The following PCDH11X variants were observed in gnomAD, a reference collection of about 807,000 sequenced individuals.
The protein encoded by PCDH11X is protocadherin 11 X-linked.
PCDH11X carries 18 observed loss-of-function variants against 53.3 expected under a neutral mutation model. The ratio of observed to expected loss-of-function variants is 0.34; its 90% confidence interval spans 0.23 to 0.50. The LOEUF is 0.50. PCDH11X is among the 20% of genes least tolerant of loss of function. The pLI, the probability that PCDH11X is intolerant of heterozygous loss-of-function variation, is 0.98. For synonymous variants in PCDH11X, 279 were observed against 393.3 expected, an observed-to-expected ratio of 0.71 and a Z score of 3.44; for missense variants, 570 against 1,032.4, an observed-to-expected ratio of 0.55 and a Z score of 6.14.
chrX:91,886,663 A>G (rs1321728249), intron 6 of PCDH11X, among the ~76,000 whole-genome samples: 1 of 108,016 alleles, frequency 9.3e-6, no homozygotes, highest in Non-Finnish European at 1.9e-5. Flanking sequence ...CCCTGTCCAC[A>G]TTATGAATAA....
intron 8 of PCDH11X, among the ~76,000 whole-genome samples, chrX:92,343,776 A>G (rs1381007528): frequency 1.8e-5 from 2 of 111,418 alleles, no homozygotes; most frequent in African/African-American, 6.5e-5. Context: ...CCACCTCAAT[A>G]GCATTCAATG....
intron 10 of PCDH11X, among the ~76,000 whole-genome samples, chrX:92,567,846 G>C (rs1265904382): frequency 1.9e-5 from 2 of 102,967 alleles, no homozygotes; most frequent in Admixed American, 1.1e-4. Flanking sequence ...GCCTGCTGGA[G>C]GAGGAGGGTG....
At chrX:92,249,349 C>T (rs2067414447) in intron 7 of PCDH11X, among the ~76,000 whole-genome samples, 1 of 111,752 alleles carries the variant, frequency 8.9e-6, no homozygotes, top group Non-Finnish European at 1.9e-5. Flanking sequence ...TCACATGCCA[C>T]AAGAGTGACA....
intron 6 of PCDH11X, among the ~76,000 whole-genome samples, chrX:91,944,853 A>G (rs1418230064): frequency 9.4e-6 from 1 of 105,936 alleles, no homozygotes; most frequent in African/African-American, 3.4e-5. Flanking sequence ...AAAAAGGAAC[A>G]GCTTTCAAAA....
intron 7 of PCDH11X, among the ~76,000 whole-genome samples, chrX:92,232,841 G>C (rs2067102638): frequency 9.0e-6 from 1 of 111,323 alleles, no homozygotes; most frequent in Non-Finnish European, 1.9e-5. Flanking sequence ...TCAGCATCGC[G>C]AGTAGCTGGG....
At chrX:92,547,180 T>G (rs1298782052) in intron 10 of PCDH11X, among the ~76,000 whole-genome samples, 1 of 108,547 alleles carries the variant, frequency 9.2e-6, no homozygotes, top group Non-Finnish European at 1.9e-5. Context: ...ACTCTTTCTG[T>G]GAATTTAAGC....
At chrX:92,367,191 T>C (rs905509719) in intron 8 of PCDH11X, among the ~76,000 whole-genome samples, 2 of 111,214 alleles carry the variant, frequency 1.8e-5, no homozygotes, top group Non-Finnish European at 3.8e-5. Context: ...TTGGGTGCAT[T>C]TATATTTAGG....
chrX:91,904,601 C>A (rs748494880), intron 6 of PCDH11X, among the ~76,000 whole-genome samples: 65 of 110,743 alleles, frequency 5.9e-4, no homozygotes, highest in African/African-American at 1.9e-3. Context: ...TACCTATAAT[C>A]CTACCAACTC....
At chrX:91,969,341 G>A (rs2061913665) in intron 6 of PCDH11X, among the ~76,000 whole-genome samples, 1 of 110,207 alleles carries the variant, frequency 9.1e-6, no homozygotes, top group Non-Finnish European at 1.9e-5. Context: ...TATAAAATTA[G>A]TATCCAAACA....
intron 5 of PCDH11X, among the ~76,000 whole-genome samples, chrX:91,860,793 G>A (rs879233404): frequency 2.7e-5 from 3 of 112,051 alleles, no homozygotes; most frequent in South Asian, 3.7e-4. Context: ...TGAACCAGCC[G>A]TGCATCTTGA....
intron 6 of PCDH11X, among the ~76,000 whole-genome samples, chrX:92,061,464 G>A (rs1388812201): frequency 9.3e-6 from 1 of 107,895 alleles, no homozygotes; most frequent in Non-Finnish European, 1.9e-5. Context: ...TATGTTAGGT[G>A]TTACATTTAA....
intron 4 of PCDH11X, among the ~76,000 whole-genome samples, chrX:91,813,749 C>T (rs1936363907): frequency 9.5e-6 from 1 of 105,369 alleles, no homozygotes. Context: ...TGGAAGTAGA[C>T]CACAAAAAAA....
At chrX:92,285,990 T>C (rs1192638683) in intron 8 of PCDH11X, among the ~76,000 whole-genome samples, 1 of 112,779 alleles carries the variant, frequency 8.9e-6, no homozygotes, top group Non-Finnish European at 1.9e-5. Flanking sequence ...AGATCGCTCA[T>C]GCTATTGTTT....
At chrX:91,900,089 G>A (rs1225760447) in intron 6 of PCDH11X, among the ~76,000 whole-genome samples, 2 of 109,758 alleles carry the variant, frequency 1.8e-5, no homozygotes, top group African/African-American at 6.7e-5. Flanking sequence ...ACCAAGAGAT[G>A]CCCTAAGGGG....
At chrX:91,884,190 CA>C (rs34953838) in intron 6 of PCDH11X, among the ~76,000 whole-genome samples, 8,871 of 37,260 alleles carry the variant, frequency 0.24, 184 homozygotes, top group East Asian at 0.31. Flanking sequence ...GACTCCGTCT[CA>C]AAAAAAAAAA....
At chrX:91,843,795 A>G (rs766122157) in intron 5 of PCDH11X, among the ~76,000 whole-genome samples, 2 of 111,689 alleles carry the variant, frequency 1.8e-5, no homozygotes, top group South Asian at 7.5e-4. Flanking sequence ...TAGGTTTGCA[A>G]TTATGGCAGT....
intron 10 of PCDH11X, among the ~76,000 whole-genome samples, chrX:92,491,995 A>G (rs1167810895): frequency 1.8e-5 from 2 of 111,259 alleles, no homozygotes; most frequent in East Asian, 5.6e-4. Flanking sequence ...TGTTGGCAAT[A>G]GCTGGCAGGA....
chrX:92,102,580 G>T (rs889731254), intron 6 of PCDH11X, among the ~76,000 whole-genome samples: 1 of 112,025 alleles, frequency 8.9e-6, no homozygotes, highest in African/African-American at 3.2e-5. Flanking sequence ...ATTTGGGCTT[G>T]ACTGAAGTAA....
chrX:92,201,430 AGATCTG>A lies in PCDH11X; in HGVS notation c.3093_3098del (p.Trp1032_Ile1033del). ...CCCATGAAAGAGTCTACAACTATGGAGATCTGGATTCATCCCCAACCACAGGTATGG... is the reference window on the plus strand; with the variant it reads ...CCCATGAAAGAGTCTACAACTATGGAGATTCATCCCCAACCACAGGTATGG... On this transcript the variant is annotated inframe_deletion, in exon 7 of 11. Coordinates refer to ENST00000682573, the MANE Select transcript of PCDH11X (RefSeq NM_032968.5). 1 of 1,199,215 alleles carries A rather than the reference AGATCTG, an allele frequency of 8.3e-7. No homozygotes were observed. The highest frequency in any genetic ancestry group is 1.1e-6 in the Non-Finnish European group (1 of 886,774).
Sources: gnomAD v4.1 joint callset for allele counts (sites outside exome capture counted in the v4.1 genomes callset) on GRCh38, gnomAD v4.1.1 for gene constraint, MANE v1.5 for transcripts, NCBI Gene and HGNC (gene_info 2026-07-23, HGNC 2026-07-21) for gene names.